Variants in SLC25A26 observed in about 807,000 individuals in gnomAD.
The protein encoded by SLC25A26 is solute carrier family 25 member 26.
Under a neutral mutation model 37.8 loss-of-function variants are expected in SLC25A26, and 36 were observed. That is an observed-to-expected ratio of 0.95 (90% CI 0.73 to 1.26). The LOEUF (loss-of-function observed/expected upper bound fraction) is 1.26. Among genes scored for constraint, SLC25A26 ranks in the 50% most tolerant of loss-of-function variants. The pLI, the probability that SLC25A26 is intolerant of heterozygous loss-of-function variation, is 0.00. For synonymous variants in SLC25A26, 129 were observed against 122.5 expected (o/e 1.05, Z -0.35); for missense variants, 390 against 331.1 (o/e 1.18, Z -1.38).
intron 5 of SLC25A26, among the ~76,000 whole-genome samples, chr3:66,342,988 G>C (rs971431802): frequency 3.9e-5 from 6 of 152,164 alleles, no homozygotes; most frequent in Non-Finnish European, 7.3e-5. Context: ...TTGTGTTTTG[G>C]AATATAAGAG....
At chr3:66,263,124 C>A (rs182221606) in intron 4 of SLC25A26, among the ~76,000 whole-genome samples, 24 of 152,148 alleles carry the variant, frequency 1.6e-4, no homozygotes, top group African/African-American at 5.8e-4. Context: ...ATCTGAGCTC[C>A]CTTAGGAGCT....
chr3:66,222,621 T>C (rs1576653035), intron 1 of SLC25A26, among the ~76,000 whole-genome samples: 1 of 112,448 alleles, frequency 8.9e-6, no homozygotes, highest in Non-Finnish European at 2.1e-5. Flanking sequence ...AATTGAACTC[T>C]TATCCTAATT....
intron 5 of SLC25A26, among the ~76,000 whole-genome samples, chr3:66,268,393 G>T (rs190951719): frequency 6.6e-6 from 1 of 152,180 alleles, no homozygotes; most frequent in Non-Finnish European, 1.5e-5. Flanking sequence ...GTTTTCCCCT[G>T]CCTCACCTAT....
At chr3:66,199,735 T>C (rs983520004) in intron 1 of SLC25A26, among the ~76,000 whole-genome samples, 2 of 151,924 alleles carry the variant, frequency 1.3e-5, no homozygotes, top group African/African-American at 2.4e-5. Flanking sequence ...ATGATATTGA[T>C]CCTGACCCCC....
At position 66,176,316 on chromosome 3, in the gene SLC25A26, A is replaced by C. The variant is rs144239228; in HGVS notation, c.-354+42332A>C. ...TTCCATCGAAACTAAGAAAGTGTTG[A>C]GATGTTATATAAGCATAAAGAACTA... On this transcript the variant is annotated intron_variant, in intron 1 of 10. Coordinates refer to the SLC25A26 transcript ENST00000676754. 1.5e-4 allele frequency among the ~76,000 whole-genome samples: 23 copies of C among 152,332 alleles called. No individual in the cohort carries two copies. The East Asian group carries it at 3.1e-3, about 20-fold the overall frequency.
chr3:66,253,524 C>A (rs563374019), intron 3 of SLC25A26, among the ~76,000 whole-genome samples: 1 of 152,002 alleles, frequency 6.6e-6, no homozygotes, highest in Non-Finnish European at 1.5e-5. Context: ...TGGTATACTG[C>A]TGGTCCAAAG....
chr3:66,194,343 T>G (rs1377016653), intron 1 of SLC25A26, among the ~76,000 whole-genome samples: 2 of 152,210 alleles, frequency 1.3e-5, no homozygotes, highest in African/African-American at 4.8e-5. Flanking sequence ...GGCTTGGTTT[T>G]GTTTTCCCAC....
At chr3:66,270,471 G>GA (rs765696855) in intron 5 of SLC25A26, among the ~76,000 whole-genome samples, 3 of 152,160 alleles carry the variant, frequency 2.0e-5, no homozygotes, top group Middle Eastern at 3.4e-3. Context: ...CATGGGAAAA[G>GA]AAAAAAATCC....
intron 5 of SLC25A26, among the ~76,000 whole-genome samples, chr3:66,286,076 C>G (rs993266846): frequency 7.2e-5 from 11 of 151,996 alleles, no homozygotes; most frequent in African/African-American, 2.7e-4. Context: ...TTGGGAGTTT[C>G]GAAAGTTCTT....
At chr3:66,194,094 A>C (rs2070997165) in intron 1 of SLC25A26, among the ~76,000 whole-genome samples, 1 of 152,250 alleles carries the variant, frequency 6.6e-6, no homozygotes, top group African/African-American at 2.4e-5. Flanking sequence ...GATGTGTTTG[A>C]AAATGTGTCT....
In SLC25A26 at chr3:66,240,815, G is replaced by A. The variant is rs2072543894; in HGVS notation, c.191-2388G>A. Among the ~76,000 whole-genome samples the A allele has an allele frequency of 2.1e-5, 3 of 142,566 alleles. No homozygotes were observed. The South Asian group carries it at 6.5e-4, about 31-fold the overall frequency. The allele number at this position is 142,566 out of a possible 152,430, so 93.5% of individuals were successfully genotyped here. A position where few individuals can be genotyped will look rare whatever the true frequency, so the allele number is the denominator to read the frequency against. Reference sequence around the variant, plus strand: ...GGCTGGAGTGCAGTGGTGCGATCTTGGCTCACTGCAAGCTCCGCCTCCTGG... The same window carrying A: ...GGCTGGAGTGCAGTGGTGCGATCTTAGCTCACTGCAAGCTCCGCCTCCTGG... On this transcript the variant is annotated intron_variant, in intron 2 of 9. Transcript: ENST00000354883.
intron 5 of SLC25A26, among the ~76,000 whole-genome samples, chr3:66,280,696 T>C (rs2074306869): frequency 6.6e-6 from 1 of 152,168 alleles, no homozygotes; most frequent in Admixed American, 6.5e-5. Context: ...CCAGCTTTTT[T>C]GAAAAATTAC....
At chr3:66,316,630 G>C (rs1190965577) in intron 5 of SLC25A26, among the ~76,000 whole-genome samples, 8 of 152,044 alleles carry the variant, frequency 5.3e-5, no homozygotes, top group Non-Finnish European at 2.9e-5. Flanking sequence ...TCTTCCTGGG[G>C]TTCTCTGGAG....
chr3:66,239,069 A>T (rs2072440877), intron 2 of SLC25A26, among the ~76,000 whole-genome samples: 1 of 152,148 alleles, frequency 6.6e-6, no homozygotes. Flanking sequence ...GTCTTTAATA[A>T]TCAGAACCTT....
chr3:66,201,246 T>C (rs2071104383), intron 1 of SLC25A26, among the ~76,000 whole-genome samples: 1 of 151,508 alleles, frequency 6.6e-6, no homozygotes, highest in South Asian at 2.1e-4. Context: ...ATATATAATA[T>C]GTAGTTACAT....
intron 1 of SLC25A26, among the ~76,000 whole-genome samples, chr3:66,147,575 T>C (rs1457521900): frequency 2.6e-5 from 4 of 152,118 alleles, no homozygotes; most frequent in Non-Finnish European, 5.9e-5. Context: ...TTAAATATAA[T>C]GATATCTTTT....
At chr3:66,167,190 A>G (rs550905229) in intron 1 of SLC25A26, among the ~76,000 whole-genome samples, 55 of 152,174 alleles carry the variant, frequency 3.6e-4, no homozygotes, top group Non-Finnish European at 6.9e-4. Context: ...AAAGGGTTCC[A>G]TTGTTCATAG....
intron 3 of SLC25A26, among the ~76,000 whole-genome samples, chr3:66,253,766 A>G (rs998056610): frequency 2.0e-5 from 3 of 152,156 alleles, no homozygotes; most frequent in Non-Finnish European, 2.9e-5. Context: ...AAATACAGTC[A>G]CCATTGCCAC....
intron 1 of SLC25A26, among the ~76,000 whole-genome samples, chr3:66,146,065 C>T (rs1012492880): frequency 2.0e-5 from 3 of 152,002 alleles, no homozygotes; most frequent in Non-Finnish European, 2.9e-5. Context: ...ATTGGCTGGG[C>T]GCAGTGGCTC....
Sources: gnomAD v4.1 joint callset for allele counts (sites outside exome capture counted in the v4.1 genomes callset) on GRCh38, gnomAD v4.1.1 for gene constraint, MANE v1.5 for transcripts, NCBI Gene and HGNC (gene_info 2026-07-23, HGNC 2026-07-21) for gene names.